SFTPD: variants seen among roughly 807,000 people sequenced by gnomAD.
SFTPD encodes surfactant protein D, also known as pulmonary surfactant-associated protein D.
A neutral mutation model predicts 34.6 loss-of-function variants in SFTPD; 18 were observed. That is an observed-to-expected ratio of 0.52 (90% CI 0.36 to 0.77). The LOEUF (loss-of-function observed/expected upper bound fraction) is 0.77. SFTPD is among the 30% of genes least tolerant of loss of function. The pLI is 0.00. For missense variants in SFTPD, 433 were observed against 468.9 expected (o/e 0.92, Z 0.71); for synonymous variants, 155 against 180.9 (o/e 0.86, Z 1.15).
At chr10:79,952,794 G>A (rs1885549), upstream of SFTPD, among the ~76,000 whole-genome samples, 22,263 of 152,068 alleles carry the variant, frequency 0.15, 2,063 homozygotes, top group East Asian at 0.41. Context: ...TCAGGTTTTG[G>A]GGGAGAGCGA....
In SFTPD at chr10:79,937,861, G is replaced by A. The variant is rs777965525; in HGVS notation, c.1119C>T (p.Cys373=). ...ACCCACCCCAGTTGGCTCAGAACTC[G>A]CAGACCACAAGACGCTTTTCTCCAC... The part of the protein sequence containing the change: ...RACGEKRLVV[C]EF Residue 373 remains cysteine (C), a synonymous_variant, in exon 8 of 8, where the codon TGC becomes TGT. Transcript: ENST00000372292. The A allele has an allele frequency of 3.1e-5, 47 of 1,539,346 alleles. No homozygotes were observed. Among genetic ancestry groups the A allele is most frequent in the Admixed American group, 5.8e-5 (3 of 52,166 alleles).
At chr10:79,964,238 T>G (rs1842790868) in intron 1 of SFTPD, among the ~76,000 whole-genome samples, 1 of 152,076 alleles carries the variant, frequency 6.6e-6, no homozygotes, top group Non-Finnish European at 1.5e-5. Context: ...CAGAAAGAGG[T>G]TTCCTCGCTA....
chr10:79,962,376 T>G (rs1022174852), intron 1 of SFTPD, among the ~76,000 whole-genome samples: 3 of 152,134 alleles, frequency 2.0e-5, no homozygotes, highest in Non-Finnish European at 4.4e-5. Context: ...CTTTATTATT[T>G]TCTCTATGTA....
Position 79,967,057 on chromosome 10 carries a change from C to T in SFTPD, c.36+15518G>A, listed in dbSNP as rs367795977. Among the ~76,000 whole-genome samples, 390 of 125,786 alleles carry T rather than the reference C, an allele frequency of 3.1e-3. 22 individuals carry two copies. Among genetic ancestry groups the T allele is most frequent in the African/African-American group, 0.012 (365 of 30,354 alleles). The allele number at this position is 125,786 out of a possible 152,430, so 82.5% of individuals were successfully genotyped here. A position where few individuals can be genotyped will look rare whatever the true frequency, so the allele number is the denominator to read the frequency against. On this transcript the variant is annotated intron_variant, in intron 1 of 5. Transcript: ENST00000444384. ...TGATTGTTTATCTAGAAAACCCCAT[C>T]GTCTCAGCCCAAAATCTCCTTAAGC... is the stretch of plus-strand genomic sequence containing the variant.
chr10:79,942,247 G>C, intron 4 of SFTPD, 141 bp downstream of exon 4: 1 of 734,370 alleles, frequency 1.4e-6, no homozygotes, highest in Non-Finnish European at 2.3e-6. Flanking sequence ...CAGTTGTGGG[G>C]ATTGGGAGGG....
At chr10:79,942,209 C>G (rs1320140425) in intron 4 of SFTPD, 139 bp from the exon 5 acceptor site, 1 of 761,168 alleles carries the variant, frequency 1.3e-6, no homozygotes, top group African/African-American at 1.7e-5. Flanking sequence ...TCTGGGGCTC[C>G]TCTGTGGAGG....
intron 1 of SFTPD, among the ~76,000 whole-genome samples, chr10:79,959,074 T>C (rs1842756587): frequency 6.6e-6 from 1 of 151,502 alleles, no homozygotes; most frequent in Non-Finnish European, 1.5e-5. Context: ...AAGGCAGAAA[T>C]AAAGATGTTC....
upstream of SFTPD, among the ~76,000 whole-genome samples, chr10:79,953,070 T>C (rs1400042466): frequency 6.6e-6 from 1 of 152,248 alleles, no homozygotes; most frequent in Non-Finnish European, 1.5e-5. Context: ...CAATAGGTCA[T>C]GTCACTCATT....
At chr10:79,959,968 C>T (rs1842762757) in intron 1 of SFTPD, among the ~76,000 whole-genome samples, 1 of 152,108 alleles carries the variant, frequency 6.6e-6, no homozygotes, top group Non-Finnish European at 1.5e-5. Context: ...GGCTTCATCC[C>T]TGGGATGCAA....
chr10:79,959,310 G>A (rs1842758252), intron 1 of SFTPD, among the ~76,000 whole-genome samples: 2 of 151,826 alleles, frequency 1.3e-5, no homozygotes, highest in South Asian at 4.2e-4. Context: ...AGAACTGAAG[G>A]AAATAGAGAC....
chr10:79,982,133 C>G lies in SFTPD; in HGVS notation c.36+442G>C, dbSNP rs977619792. Reference sequence around the variant, plus strand: ...CCCGCGCTCGCTCCCGCCCTCCTGGCTCTCCGGGCGCGCCTGGCGGGGCAG... The same window carrying G: ...CCCGCGCTCGCTCCCGCCCTCCTGGGTCTCCGGGCGCGCCTGGCGGGGCAG... On this transcript the variant is annotated intron_variant, in intron 1 of 5. Transcript: ENST00000444384. The G allele has an allele frequency of 1.8e-4, 64 of 346,066 alleles. No individual in the cohort carries two copies. In the East Asian group the frequency reaches 3.6e-3, roughly 19 times the overall value. 21.4% of individuals were successfully genotyped at this position (346,066 alleles called of 1,614,324 possible).
intron 7 of SFTPD, among the ~76,000 whole-genome samples, chr10:79,940,119 C>T (rs1842596184): frequency 6.6e-6 from 1 of 152,210 alleles, no homozygotes; most frequent in Non-Finnish European, 1.5e-5. Flanking sequence ...CCTTGTACCC[C>T]CAGAGCAGAA....
intron 7 of SFTPD, among the ~76,000 whole-genome samples, chr10:79,940,232 A>G (rs952559906): frequency 6.6e-6 from 1 of 152,192 alleles, no homozygotes; most frequent in Non-Finnish European, 1.5e-5. Flanking sequence ...GAGCTAAGAA[A>G]TGCAGCCCGT....
At position 79,942,808 on chromosome 10, in the gene SFTPD, C is replaced by T; in HGVS notation, c.271G>A (p.Gly91Ser). Residue 91 changes from glycine (G) to serine (S), a missense_variant, in exon 3 of 8, where the codon GGC becomes AGC. Coordinates refer to ENST00000372292, the MANE Select transcript of SFTPD (RefSeq NM_003019.5). ...TTTGGTCCAGGTTCTCCAACAGAGC[C>T]ATTGTCCCCTTTGGGCCCAACTGGG... ...AGPVGPKGDN[G>S]SVGEPGPKGD... 1 of 1,613,956 alleles carries T rather than the reference C, an allele frequency of 6.2e-7. No homozygotes were observed. The highest frequency in any genetic ancestry group is 8.5e-7 in the Non-Finnish European group (1 of 1,179,864).
At chr10:79,947,562 G>T (rs1380708950) in intron 1 of SFTPD, among the ~76,000 whole-genome samples, 2 of 152,084 alleles carry the variant, frequency 1.3e-5, no homozygotes, top group African/African-American at 4.8e-5. Flanking sequence ...GTGGTGGTGC[G>T]TGCTGTAATC....
intron 2 of SFTPD, among the ~76,000 whole-genome samples, chr10:79,943,110 C>A (rs1842630607): frequency 6.6e-6 from 1 of 152,116 alleles, no homozygotes; most frequent in Admixed American, 6.5e-5. Flanking sequence ...ACCTGCCTGA[C>A]CTTCTATGCG....
upstream of SFTPD, among the ~76,000 whole-genome samples, chr10:79,952,327 G>A (rs1842714836): frequency 6.6e-6 from 1 of 152,190 alleles, no homozygotes; most frequent in African/African-American, 2.4e-5. Flanking sequence ...TCCCAGTAGG[G>A]ACAGCCAACG....
chr10:79,943,086 G>A (rs761126717), intron 2 of SFTPD, among the ~76,000 whole-genome samples: 28 of 152,028 alleles, frequency 1.8e-4, no homozygotes, highest in Non-Finnish European at 3.1e-4. Flanking sequence ...AGTTGGAGGC[G>A]GATTAAAGCC....
At chr10:79,942,240 T>A (rs924328077) in intron 4 of SFTPD, 148 bp downstream of exon 4, 2 of 723,256 alleles carry the variant, frequency 2.8e-6, no homozygotes, top group Non-Finnish European at 4.8e-6. Context: ...AATATTGCAG[T>A]TGTGGGGATT....
Sources: allele counts gnomAD v4.1 joint callset (sites outside exome capture counted in the v4.1 genomes callset), GRCh38; gene constraint gnomAD v4.1.1; transcripts MANE v1.5; gene names NCBI Gene and HGNC (gene_info 2026-07-23, HGNC 2026-07-21).